The following STK32B variants were observed in gnomAD, a reference collection of about 807,000 sequenced individuals.
STK32B encodes serine/threonine-protein kinase 32B.
In STK32B, 43 loss-of-function variants were observed where a neutral mutation model predicts 52.6. The observed-to-expected ratio is 0.82, with a 90% CI of 0.64 to 1.05. STK32B has a LOEUF of 1.05. Ranked by LOEUF, STK32B falls within the 50% of genes least tolerant of loss-of-function variation. The pLI, the probability that STK32B is intolerant of heterozygous loss-of-function variation, is 0.00. For synonymous variants in STK32B, 238 were observed against 204.3 expected, an observed-to-expected ratio of 1.17 and a Z score of -1.41; for missense variants, 621 against 534.6, an observed-to-expected ratio of 1.16 and a Z score of -1.59.
In STK32B at chr4:5,331,310, T is replaced by C; in HGVS notation, c.351T>C (p.His117=). 1.2e-6 allele frequency: 2 copies of C among 1,613,948 alleles called. No homozygotes were observed. Among genetic ancestry groups the C allele is most frequent in the African/African-American group, 1.3e-5 (1 of 75,026 alleles). The part of the protein sequence containing the change: ...DLRYHLQQNV[H]FTEGTVKLYI... Reference sequence around the variant, plus strand: ...GCTACCATCTGCAGCAGAATGTGCATTTCACAGAGGGGACTGTGAAACTCT... The same window carrying C: ...GCTACCATCTGCAGCAGAATGTGCACTTCACAGAGGGGACTGTGAAACTCT... The change falls in exon 4 of 12, where the codon CAT becomes CAC. Residue 117 remains histidine, a synonymous_variant. Transcript: ENST00000282908.
intron 3 of STK32B, among the ~76,000 whole-genome samples, chr4:5,187,937 A>T (rs2108760566): frequency 6.6e-6 from 1 of 152,290 alleles, no homozygotes; most frequent in Non-Finnish European, 1.5e-5. Flanking sequence ...ATACTCAACA[A>T]TGTAGTAGAC....
chr4:5,046,144 T>C, the STK32B span, among the ~76,000 whole-genome samples: 3 of 152,322 alleles, frequency 2.0e-5, no homozygotes, highest in East Asian at 3.9e-4. Flanking sequence ...CAAAACAGCA[T>C]GGTAGTGGTA....
intron 3 of STK32B, among the ~76,000 whole-genome samples, chr4:5,270,158 G>A (rs1188031510): frequency 6.6e-6 from 1 of 152,124 alleles, no homozygotes; most frequent in Non-Finnish European, 1.5e-5. Context: ...GGGACAGAAT[G>A]AATAGGATAG....
intron 4 of STK32B, among the ~76,000 whole-genome samples, chr4:5,391,990 G>A (rs1054134905): frequency 6.6e-6 from 1 of 152,166 alleles, no homozygotes; most frequent in African/African-American, 2.4e-5. Flanking sequence ...AGGCACCACA[G>A]GGCCATTAGG....
intron 7 of STK32B, among the ~76,000 whole-genome samples, chr4:5,454,808 C>T (rs1716352586): frequency 6.6e-6 from 1 of 152,106 alleles, no homozygotes. Flanking sequence ...GATCGGCTCT[C>T]ATCATTCTAA....
chr4:5,381,478 A>C (rs542664382), intron 4 of STK32B, among the ~76,000 whole-genome samples: 1 of 152,212 alleles, frequency 6.6e-6, no homozygotes, highest in Non-Finnish European at 1.5e-5. Flanking sequence ...CAATCCCCAC[A>C]GCCCCAAGGG....
intron 1 of STK32B, among the ~76,000 whole-genome samples, chr4:5,078,841 G>T (rs998668648): frequency 6.6e-6 from 1 of 152,196 alleles, no homozygotes; most frequent in Non-Finnish European, 1.5e-5. Flanking sequence ...TGAGAAGGGG[G>T]GGCCAGCACA....
intron 4 of STK32B, among the ~76,000 whole-genome samples, chr4:5,345,173 A>G (rs1166928320): frequency 6.6e-6 from 1 of 151,190 alleles, no homozygotes; most frequent in East Asian, 1.9e-4. Context: ...CAATAAGAAA[A>G]TTTTAAAGTA....
intron 7 of STK32B, among the ~76,000 whole-genome samples, chr4:5,450,150 A>G (rs567245596): frequency 3.9e-5 from 6 of 152,194 alleles, no homozygotes; most frequent in South Asian, 2.1e-4. Flanking sequence ...GTAGGATCCA[A>G]CTTCTCTCTG....
At chr4:5,390,964 CTTTTTTTTTTT>C (rs71638602) in intron 4 of STK32B, among the ~76,000 whole-genome samples, 4 of 124,022 alleles carry the variant, frequency 3.2e-5, no homozygotes, top group South Asian at 2.6e-4. Context: ...TCTTTTCTAT[CTTTTTTTTTTT>C]TTTTTTTTGA....
At chr4:5,379,705 T>A (rs1042053769) in intron 4 of STK32B, among the ~76,000 whole-genome samples, 1 of 152,020 alleles carries the variant, frequency 6.6e-6, no homozygotes, top group African/African-American at 2.4e-5. Context: ...AAGGGAAGAC[T>A]GTGGGAGGAC....
intron 3 of STK32B, among the ~76,000 whole-genome samples, chr4:5,180,330 T>C (rs961253056): frequency 1.1e-4 from 16 of 152,254 alleles, no homozygotes; most frequent in African/African-American, 3.9e-4. Context: ...ATATGTGTCT[T>C]ACTGAACTTC....
chr4:5,033,201 G>A, the STK32B span, among the ~76,000 whole-genome samples: 1 of 152,168 alleles, frequency 6.6e-6, no homozygotes, highest in African/African-American at 2.4e-5. Flanking sequence ...GCGGAATGAG[G>A]GAATGAATGA....
intron 3 of STK32B, among the ~76,000 whole-genome samples, chr4:5,186,126 A>G (rs545803087): frequency 1.3e-5 from 2 of 152,302 alleles, no homozygotes; most frequent in South Asian, 4.1e-4. Context: ...CTAAGGGTGC[A>G]GTGGTGAAGA....
At chr4:5,440,944 A>G (rs995012125) in intron 6 of STK32B, among the ~76,000 whole-genome samples, 14 of 150,662 alleles carry the variant, frequency 9.3e-5, no homozygotes, top group Non-Finnish European at 1.6e-4. Context: ...CTTGCATCCC[A>G]GGGATGAAGC....
chr4:5,155,100 T>A (rs1717702247), intron 2 of STK32B, among the ~76,000 whole-genome samples: 1 of 152,194 alleles, frequency 6.6e-6, no homozygotes, highest in Admixed American at 6.5e-5. Flanking sequence ...CCTCAGAACC[T>A]TCACACTTGC....
At chr4:5,025,459 G>T in the STK32B span, among the ~76,000 whole-genome samples, 1 of 152,176 alleles carries the variant, frequency 6.6e-6, no homozygotes, top group South Asian at 2.1e-4. Flanking sequence ...GACACCTGCA[G>T]CTCAGCTCTG....
intron 11 of STK32B, among the ~76,000 whole-genome samples, chr4:5,484,277 T>C (rs193182207): frequency 6.6e-6 from 1 of 152,344 alleles, no homozygotes; most frequent in East Asian, 1.9e-4. Flanking sequence ...TACTCCTGTA[T>C]TGGGTGCATA....
intron 9 of STK32B, among the ~76,000 whole-genome samples, chr4:5,463,238 C>T (rs1717171806): frequency 6.6e-6 from 1 of 152,232 alleles, no homozygotes; most frequent in South Asian, 2.1e-4. Flanking sequence ...CTAAGAATCT[C>T]GATGCAGTCC....
Sources: gnomAD v4.1 joint callset for allele counts (sites outside exome capture counted in the v4.1 genomes callset) on GRCh38, gnomAD v4.1.1 for gene constraint, MANE v1.5 for transcripts, NCBI Gene and HGNC (gene_info 2026-07-23, HGNC 2026-07-21) for gene names.